Variants in COL8A1 observed in about 807,000 individuals in gnomAD.
The protein encoded by COL8A1 is collagen type VIII alpha 1 chain.
COL8A1 carries 21 observed loss-of-function variants against 42.7 expected under a neutral mutation model. That is an observed-to-expected ratio of 0.49 (90% CI 0.35 to 0.71). The LOEUF is 0.71. Ranked by LOEUF, COL8A1 falls within the 30% of genes least tolerant of loss-of-function variation. The pLI is 0.01. For synonymous variants in COL8A1, 367 were observed against 369.1 expected, an observed-to-expected ratio of 0.99 and a Z score of 0.06; for missense variants, 788 against 962.4, an observed-to-expected ratio of 0.82 and a Z score of 2.40.
chr3:99,643,264 C>T (rs1270519144), intron 1 of COL8A1, among the ~76,000 whole-genome samples: 1 of 152,200 alleles, frequency 6.6e-6, no homozygotes, highest in African/African-American at 2.4e-5. Context: ...TCTCAGAAAC[C>T]ATAGCTTGGT....
At chr3:99,701,527 C>G (rs993981124) in intron 1 of COL8A1, among the ~76,000 whole-genome samples, 1 of 152,156 alleles carries the variant, frequency 6.6e-6, no homozygotes, top group Non-Finnish European at 1.5e-5. Context: ...CTTCTTAGAA[C>G]CCCAGAGTCT....
chr3:99,640,955 A>T (rs1184324071), intron 1 of COL8A1, among the ~76,000 whole-genome samples: 2 of 152,152 alleles, frequency 1.3e-5, no homozygotes. Context: ...TTTCTCAGAA[A>T]AGATAAGATG....
chr3:99,642,411 T>TAAAACA (rs1202158064), intron 1 of COL8A1, among the ~76,000 whole-genome samples: 1 of 152,010 alleles, frequency 6.6e-6, no homozygotes, highest in Non-Finnish European at 1.5e-5. Flanking sequence ...CTGAAGTGAA[T>TAAAACA]AAAACAAAAA....
rs376069882 is a variant in COL8A1 at position 99,795,147 on chromosome 3, G to C, written c.1246G>C (p.Gly416Arg). ...TGGTTTTCCTGGACCCAAAGGAGAA[G>C]GTGGGATTGTAGGGCCACAGGGGCC... ...AIGFPGPKGEGGIVGPQGPPG... is the reference protein window; with the variant it reads ...AIGFPGPKGERGIVGPQGPPG... Residue 416 changes from glycine to arginine, a missense_variant, in exon 4 of 4, where the codon GGT (glycine) becomes CGT (arginine). Gly to Arg is a moderately radical substitution (Grantham distance 125, BLOSUM62 -2). Around this residue, in one of 4 missense-constraint regions of COL8A1, gnomAD observed 421 missense variants for 553.1 expected, o/e 0.76. Transcript: ENST00000652472. 2 of 1,613,798 alleles carry C rather than the reference G, an allele frequency of 1.2e-6. No homozygotes were observed. Among genetic ancestry groups the C allele is most frequent in the African/African-American group, 2.7e-5 (2 of 74,994 alleles).
intron 2 of COL8A1, among the ~76,000 whole-genome samples, chr3:99,771,631 A>G (rs1941582780): frequency 6.6e-6 from 1 of 152,212 alleles, no homozygotes; most frequent in African/African-American, 2.4e-5. Flanking sequence ...TAGCTCATCA[A>G]GCTAGTTTTG....
chr3:99,642,895 A>G (rs553881226), intron 1 of COL8A1, among the ~76,000 whole-genome samples: 2 of 152,330 alleles, frequency 1.3e-5, no homozygotes, highest in South Asian at 4.1e-4. Context: ...TAAAATTGCT[A>G]CTTGCCTCCA....
chr3:99,783,589 G>A (rs1279732961), intron 2 of COL8A1, among the ~76,000 whole-genome samples: 1 of 152,178 alleles, frequency 6.6e-6, no homozygotes, highest in Non-Finnish European at 1.5e-5. Context: ...AACTACCTGA[G>A]ACTGGGTAAT....
At chr3:99,715,182 T>A (rs551983545) in intron 1 of COL8A1, among the ~76,000 whole-genome samples, 3 of 152,122 alleles carry the variant, frequency 2.0e-5, no homozygotes, top group Admixed American at 6.6e-5. Context: ...TGATGTATAA[T>A]TGTAATGAAT....
chr3:99,704,964 A>G (rs549362429), intron 1 of COL8A1, among the ~76,000 whole-genome samples: 7 of 152,270 alleles, frequency 4.6e-5, no homozygotes, highest in African/African-American at 1.7e-4. Flanking sequence ...GGCAGCAGGA[A>G]GGGACTAGAT....
intron 1 of COL8A1, among the ~76,000 whole-genome samples, chr3:99,728,798 G>T (rs903460523): frequency 6.6e-6 from 1 of 151,880 alleles, no homozygotes; most frequent in Non-Finnish European, 1.5e-5. Context: ...CCAAGCAAAG[G>T]AATCCACTTA....
rs897382716 is a variant in COL8A1, at chr3:99,795,422, C to T, written c.1521C>T (p.Gly507=). 6.6e-7 allele frequency: 1 copy of T among 1,523,886 alleles called. No individual in the cohort carries two copies. The highest frequency in any genetic ancestry group is 1.2e-5 in the South Asian group (1 of 82,056). The allele number at this position is 1,523,886 out of a possible 1,614,324, so 94.4% of individuals were successfully genotyped here. Residue 507 remains glycine (G), a synonymous_variant, in exon 4 of 4, where the codon GGC becomes GGT. Coordinates refer to ENST00000652472, the MANE Select transcript of COL8A1 (RefSeq NM_020351.4). ...TCCCAGGGATTGGGGGCCCTAGTGG[C>T]CCCATTGGACCACCTGGGATTCCAG... is the stretch of plus-strand genomic sequence containing the variant. ...PGIPGIGGPS[G]PIGPPGIPGP... is the part of the protein sequence containing the mutation.
chr3:99,674,622 T>C (rs1456395981), intron 1 of COL8A1, among the ~76,000 whole-genome samples: 2 of 151,932 alleles, frequency 1.3e-5, no homozygotes, highest in African/African-American at 2.4e-5. Flanking sequence ...CCTCACCACC[T>C]GGAAAAAATG....
chr3:99,643,789 T>C (rs1214045618), intron 1 of COL8A1, among the ~76,000 whole-genome samples: 1 of 152,218 alleles, frequency 6.6e-6, no homozygotes, highest in African/African-American at 2.4e-5. Context: ...CTAGTTCCAA[T>C]ATTCATTTGA....
chr3:99,643,691 G>A (rs750642830), intron 1 of COL8A1, among the ~76,000 whole-genome samples: 15 of 152,134 alleles, frequency 9.9e-5, no homozygotes, highest in Non-Finnish European at 1.6e-4. Context: ...TGGCTAAGCC[G>A]TTTTCCTGTC....
chr3:99,652,176 C>T (rs1341495253), intron 1 of COL8A1, among the ~76,000 whole-genome samples: 1 of 152,126 alleles, frequency 6.6e-6, no homozygotes, highest in African/African-American at 2.4e-5. Context: ...ATCCATGACT[C>T]CTTTTCCACA....
At chr3:99,742,158 A>G (rs1369717684) in intron 1 of COL8A1, among the ~76,000 whole-genome samples, 1 of 152,204 alleles carries the variant, frequency 6.6e-6, no homozygotes, top group Admixed American at 6.5e-5. Flanking sequence ...TTAAGTACTA[A>G]GTATTGTAGT....
rs1276988763 is a variant in COL8A1 at position 99,652,004 on chromosome 3, A to T, written c.-129+13340A>T. On this transcript the variant is annotated intron_variant, in intron 1 of 3. Transcript: ENST00000652472. ...GCCTTGTAAAATGTTTACAAATTGT[A>T]TCATAAGAAAGCTCTAGAGTCAATG... Among the ~76,000 whole-genome samples the T allele has an allele frequency of 1.3e-5, 2 of 152,266 alleles. 1 individual carries two copies. Among genetic ancestry groups the T allele is most frequent in the Non-Finnish European group, 2.9e-5 (2 of 68,048 alleles).
chr3:99,745,958 A>G (rs1161834276), intron 2 of COL8A1, among the ~76,000 whole-genome samples: 1 of 152,156 alleles, frequency 6.6e-6, no homozygotes, highest in Non-Finnish European at 1.5e-5. Flanking sequence ...ACACGACTCA[A>G]TATTTCCTGA....
Position 99,795,342 on chromosome 3 carries a change from C to A in COL8A1, c.1441C>A (p.Pro481Thr). ...GLPGVPGLLG[P>T]KGEPGIPGDQ... ...CCCTGGTGTTCCAGGGCTTCTCGGA[C>A]CTAAGGGAGAGCCAGGAATCCCAGG... is the stretch of plus-strand genomic sequence containing the variant. The change falls in exon 4 of 4, where the codon CCT becomes ACT. Residue 481 changes from proline (P) to threonine (T), a missense_variant. This residue lies in a region of COL8A1 where 154 missense variants were observed against 182.3 expected (regional missense o/e 0.84). Coordinates refer to ENST00000652472, the MANE Select transcript of COL8A1 (RefSeq NM_020351.4). The A allele has an allele frequency of 6.3e-7, 1 of 1,595,892 alleles. No individual in the cohort carries two copies. The highest frequency in any genetic ancestry group is 8.5e-7 in the Non-Finnish European group (1 of 1,170,902).
Sources: allele counts gnomAD v4.1 joint callset (sites outside exome capture counted in the v4.1 genomes callset), GRCh38; gene constraint gnomAD v4.1.1; regional missense constraint gnomAD v4.1.1; transcripts MANE v1.5; gene names NCBI Gene and HGNC (gene_info 2026-07-23, HGNC 2026-07-21).